MAGI1: variants seen among roughly 807,000 people sequenced by gnomAD.
MAGI1 encodes membrane-associated guanylate kinase, WW and PDZ domain-containing protein 1.
In MAGI1, 58 loss-of-function variants were observed where a neutral mutation model predicts 139.9. The observed-to-expected ratio is 0.41, with a 90% CI of 0.34 to 0.52. The LOEUF is 0.52. Among genes scored for constraint, MAGI1 ranks in the 20% least tolerant of loss-of-function variants. The pLI, the probability that MAGI1 is intolerant of heterozygous loss-of-function variation, is 0.12. For synonymous variants in MAGI1, 812 were observed against 737.9 expected, an observed-to-expected ratio of 1.10 and a Z score of -1.63; for missense variants, 1,874 against 1,901.6, an observed-to-expected ratio of 0.99 and a Z score of 0.27.
At chr3:65,797,159 T>TC (rs2040199090) in intron 1 of MAGI1, among the ~76,000 whole-genome samples, 1 of 152,212 alleles carries the variant, frequency 6.6e-6, no homozygotes, top group Admixed American at 6.5e-5. Flanking sequence ...GTCCTCAGTC[T>TC]CTGAGATACA....
At chr3:65,766,506 C>T (rs1212451042) in intron 1 of MAGI1, among the ~76,000 whole-genome samples, 2 of 152,116 alleles carry the variant, frequency 1.3e-5, no homozygotes, top group African/African-American at 4.8e-5. Flanking sequence ...TCAGGTGATC[C>T]GCTTGCTTAG....
chr3:65,645,043 G>A (rs2085185812), intron 1 of MAGI1, among the ~76,000 whole-genome samples: 2 of 150,296 alleles, frequency 1.3e-5, no homozygotes, highest in Non-Finnish European at 1.5e-5. Context: ...GAAAATGAAT[G>A]GAAAAAAGAA....
At chr3:65,639,301 G>T (rs1289811619) in intron 1 of MAGI1, among the ~76,000 whole-genome samples, 1 of 152,052 alleles carries the variant, frequency 6.6e-6, no homozygotes, top group Non-Finnish European at 1.5e-5. Flanking sequence ...TTTGATGAGT[G>T]GAAATGTTCT....
chr3:65,826,755 C>A (rs1244053825), intron 1 of MAGI1, among the ~76,000 whole-genome samples: 1 of 144,600 alleles, frequency 6.9e-6, no homozygotes, highest in Non-Finnish European at 1.5e-5. Flanking sequence ...CTCAGATCCT[C>A]CATAAACCCT....
chr3:65,717,497 A>G (rs2032415331), intron 1 of MAGI1: 1 of 152,188 alleles, frequency 6.6e-6, no homozygotes, highest in South Asian at 2.1e-4. Context: ...TCACATTTTC[A>G]TGACTCTGGT....
intron 2 of MAGI1, among the ~76,000 whole-genome samples, chr3:65,524,438 T>A (rs927572520): frequency 4.6e-5 from 7 of 152,228 alleles, no homozygotes; most frequent in Non-Finnish European, 7.3e-5. Flanking sequence ...TTAATATATG[T>A]TAGTCATGTT....
At chr3:65,962,972 T>A (rs1346658689) in intron 1 of MAGI1, among the ~76,000 whole-genome samples, 1 of 132,664 alleles carries the variant, frequency 7.5e-6, no homozygotes, top group Non-Finnish European at 1.8e-5. Context: ...CAAGATGAGT[T>A]TTTTTTTTTA....
intron 2 of MAGI1, among the ~76,000 whole-genome samples, chr3:65,507,534 C>A (rs369069328): frequency 6.6e-6 from 1 of 152,198 alleles, no homozygotes; most frequent in Non-Finnish European, 1.5e-5. Context: ...ATGTTTTCCC[C>A]CATAAATAAT....
intron 10 of MAGI1, among the ~76,000 whole-genome samples, chr3:65,435,498 GGATGGAA>G (rs1248156500): frequency 6.6e-6 from 1 of 151,860 alleles, no homozygotes; most frequent in Admixed American, 6.6e-5. Context: ...ATGGATGGAT[GGATGGAA>G]GATGGATGGA....
At chr3:65,693,703 T>TTTTTTTGTTG (rs1553692473) in intron 1 of MAGI1, among the ~76,000 whole-genome samples, 23,896 of 151,832 alleles carry the variant, frequency 0.16, 2,518 homozygotes, top group Non-Finnish European at 0.24. Flanking sequence ...AGAACAGTTT[T>TTTTTTTGTTG]TTTTTGTTTT....
At chr3:65,849,117 G>T (rs1001621678) in intron 1 of MAGI1, among the ~76,000 whole-genome samples, 2 of 140,622 alleles carry the variant, frequency 1.4e-5, no homozygotes, top group Admixed American at 1.5e-4. Context: ...TCCATCCCCA[G>T]GGTTCAAGTG....
chr3:66,033,135 T>C (rs2068730701), intron 1 of MAGI1, among the ~76,000 whole-genome samples: 1 of 151,666 alleles, frequency 6.6e-6, no homozygotes, highest in African/African-American at 2.4e-5. Flanking sequence ...CTCAAGCGAT[T>C]CTCCCACTCT....
intron 1 of MAGI1, chr3:65,688,323 GA>G: frequency 1.4e-6 from 1 of 710,298 alleles, no homozygotes; most frequent in Non-Finnish European, 2.6e-6. Flanking sequence ...TCTTACTTCT[GA>G]AATATCTACC....
intron 1 of MAGI1, among the ~76,000 whole-genome samples, chr3:65,838,591 G>T (rs758787115): frequency 7.9e-5 from 12 of 152,110 alleles, no homozygotes; most frequent in Admixed American, 1.3e-4. Flanking sequence ...TTGTTGAACA[G>T]TATTCCATGG....
chr3:65,363,199 C>G (rs903793001), intron 21 of MAGI1, among the ~76,000 whole-genome samples: 1 of 152,196 alleles, frequency 6.6e-6, no homozygotes, highest in Non-Finnish European at 1.5e-5. Context: ...TGAAAAATAT[C>G]TACTTTAATA....
chr3:65,660,649 T>C (rs1366552581), intron 1 of MAGI1, among the ~76,000 whole-genome samples: 1 of 152,218 alleles, frequency 6.6e-6, no homozygotes, highest in Non-Finnish European at 1.5e-5. Context: ...AACATATAAT[T>C]ACTTCAAACT....
intron 4 of MAGI1, among the ~76,000 whole-genome samples, chr3:65,472,155 T>C (rs1338466312): frequency 1.3e-5 from 2 of 152,076 alleles, no homozygotes; most frequent in African/African-American, 4.8e-5. Context: ...AGAAAGGAAT[T>C]AGGCCAACAT....
intron 2 of MAGI1, among the ~76,000 whole-genome samples, chr3:65,579,511 C>T (rs763985673): frequency 4.6e-5 from 7 of 152,190 alleles, no homozygotes; most frequent in Non-Finnish European, 8.8e-5. Flanking sequence ...TCTGAGACAA[C>T]TGTAACAGGG....
chr3:65,710,557 G>A (rs1458290359), intron 1 of MAGI1, among the ~76,000 whole-genome samples: 7 of 152,054 alleles, frequency 4.6e-5, no homozygotes, highest in South Asian at 2.1e-4. Context: ...GATTACAGGC[G>A]TGAGCCACCG....
Sources: allele counts gnomAD v4.1 joint callset (sites outside exome capture counted in the v4.1 genomes callset), GRCh38; gene constraint gnomAD v4.1.1; transcripts MANE v1.5; gene names NCBI Gene and HGNC (gene_info 2026-07-23, HGNC 2026-07-21).